KIF21A: variants seen among roughly 807,000 people sequenced by gnomAD.
KIF21A encodes kinesin-like protein KIF21A.
KIF21A carries 114 observed loss-of-function variants against 202.9 expected under a neutral mutation model. The ratio of observed to expected loss-of-function variants is 0.56; its 90% CI spans 0.48 to 0.66. The LOEUF is 0.66. Among genes scored for constraint, KIF21A ranks in the 30% least tolerant of loss-of-function variants. KIF21A has a pLI of 0.00. For missense variants in KIF21A, 1,677 were observed against 1,994.9 expected, an observed-to-expected ratio of 0.84 and a Z score of 3.04; for synonymous variants, 667 against 670.8, an observed-to-expected ratio of 0.99 and a Z score of 0.09.
intron 10 of KIF21A, 197 bp downstream of exon 10, chr12:39,356,635 G>A (rs757170293): frequency 4.4e-6 from 2 of 449,512 alleles, no homozygotes; most frequent in Non-Finnish European, 7.9e-6. Context: ...AATATGGGAA[G>A]AGAAAGGAGG....
intron 17 of KIF21A, among the ~76,000 whole-genome samples, chr12:39,336,298 GA>G (rs907241006): frequency 5.3e-5 from 8 of 152,090 alleles, no homozygotes; most frequent in African/African-American, 1.9e-4. Flanking sequence ...CAAAATTTTG[GA>G]AAGAAGAAGA....
intron 10 of KIF21A, among the ~76,000 whole-genome samples, chr12:39,354,981 A>T (rs1345129949): frequency 6.6e-6 from 1 of 152,224 alleles, no homozygotes; most frequent in Non-Finnish European, 1.5e-5. Flanking sequence ...ATTTCAATCC[A>T]GGTAATCCAA....
At chr12:39,334,139 T>G (rs970376441) in intron 17 of KIF21A, among the ~76,000 whole-genome samples, 1 of 139,324 alleles carries the variant, frequency 7.2e-6, no homozygotes, top group African/African-American at 2.7e-5. Flanking sequence ...AGGCAGAGGC[T>G]GCAGTGAGCC....
Position 39,332,411 on chromosome 12 carries a change from A to G in KIF21A, c.2857-3T>C. On this transcript the variant is annotated splice_polypyrimidine_tract_variant and splice_region_variant and intron_variant, in intron 20 of 37. Coordinates refer to ENST00000361418, the MANE Select transcript of KIF21A (RefSeq NM_001173464.2). ...CTTTTTGTGAGTTCCTCCCGTTGCTATTGAGAAAGCAGGTTGGATTTTAAG... is the reference window on the plus strand; with the variant it reads ...CTTTTTGTGAGTTCCTCCCGTTGCTGTTGAGAAAGCAGGTTGGATTTTAAG... The G allele has an allele frequency of 1.2e-6, 2 of 1,613,368 alleles. No individual in the cohort carries two copies. Among genetic ancestry groups the G allele is most frequent in the Non-Finnish European group, 1.7e-6 (2 of 1,179,564 alleles).
chr12:39,351,317 C>A (rs995147911), intron 11 of KIF21A, among the ~76,000 whole-genome samples: 1 of 151,898 alleles, frequency 6.6e-6, no homozygotes, highest in Non-Finnish European at 1.5e-5. Flanking sequence ...TTTAAGAGAC[C>A]AAATGACATT....
At chr12:39,297,703 T>C (rs575678644) in intron 37 of KIF21A, among the ~76,000 whole-genome samples, 277 of 151,392 alleles carry the variant, frequency 1.8e-3, no homozygotes, top group African/African-American at 6.3e-3. Flanking sequence ...AACCTGCACA[T>C]TGTGCACATG....
chr12:39,399,600 G>A (rs1952013507), intron 1 of KIF21A, among the ~76,000 whole-genome samples: 1 of 152,202 alleles, frequency 6.6e-6, no homozygotes, highest in Non-Finnish European at 1.5e-5. Context: ...GAGACACTCT[G>A]TATGCACGAG....
At chr12:39,307,438 A>T (rs540044034) in intron 34 of KIF21A, 127 bp downstream of exon 34, 5 of 801,106 alleles carry the variant, frequency 6.2e-6, no homozygotes, top group Middle Eastern at 6.2e-4. Flanking sequence ...TATGCTGAAT[A>T]AAAAAGCCTA....
chr12:39,307,521 G>A, intron 34 of KIF21A, 44 bp downstream of exon 34: 1 of 1,571,884 alleles, frequency 6.4e-7, no homozygotes, highest in East Asian at 2.2e-5. Flanking sequence ...GTCTGAAGTT[G>A]TATTTGCCAT....
chr12:39,393,367 A>C (rs1951509688), intron 1 of KIF21A, among the ~76,000 whole-genome samples: 1 of 152,188 alleles, frequency 6.6e-6, no homozygotes, highest in South Asian at 2.1e-4. Flanking sequence ...GGCAAATGCT[A>C]ACCAATAGAA....
chr12:39,426,941 G>A (rs574393614), intron 1 of KIF21A, among the ~76,000 whole-genome samples: 41 of 151,962 alleles, frequency 2.7e-4, no homozygotes, highest in Non-Finnish European at 4.9e-4. Context: ...GTCTGAGAAA[G>A]TAGCTAATGT....
chr12:39,318,088 G>T lies in KIF21A; in HGVS notation c.3893C>A (p.Ser1298Ter). The T allele has an allele frequency of 6.2e-7, 1 of 1,612,826 alleles. No homozygotes were observed. The highest frequency in any genetic ancestry group is 1.7e-5 in the Admixed American group (1 of 59,990). ...AATGACTTACTTATCCTGCTGAACT[G>T]ATGTGTTTCCCTGAGAAACAGTAAG... is the stretch of plus-strand genomic sequence containing the variant. ...NRLTVSQGNTSVQQDKSDESD... is the reference protein window; with the variant it reads ...NRLTVSQGNT Residue 1298 changes from serine (S) to a stop codon, truncating the protein, a stop_gained, in exon 29 of 38, where the codon TCA becomes TAA. Transcript: ENST00000361418. LOFTEE classifies it high-confidence loss of function.
intron 11 of KIF21A, 74 bp downstream of exon 11, chr12:39,351,703 C>T (rs1592283443): frequency 2.3e-6 from 2 of 884,886 alleles, no homozygotes; most frequent in South Asian, 1.5e-5. Context: ...ACTATGTATG[C>T]TCTTTATAAT....
chr12:39,297,013 A>G (rs1330229005), intron 37 of KIF21A, among the ~76,000 whole-genome samples: 1 of 152,212 alleles, frequency 6.6e-6, no homozygotes, highest in Non-Finnish European at 1.5e-5. Context: ...AAGTCTGGTG[A>G]AGAAGTAGAG....
At chr12:39,295,161 T>G (rs1942174435) in intron 37 of KIF21A, among the ~76,000 whole-genome samples, 1 of 152,172 alleles carries the variant, frequency 6.6e-6, no homozygotes. Context: ...TGTAGAAGAT[T>G]AAAAGCGATT....
chr12:39,380,210 C>T (rs998254742), intron 1 of KIF21A, among the ~76,000 whole-genome samples: 1 of 152,212 alleles, frequency 6.6e-6, no homozygotes, highest in Admixed American at 6.5e-5. Context: ...TCAGGCAATC[C>T]GCCTGCCTCA....
intron 1 of KIF21A, among the ~76,000 whole-genome samples, chr12:39,441,660 T>TAAAAAAACAAAAAAAAAA (rs1939605189): frequency 2.6e-5 from 1 of 37,788 alleles, no homozygotes; most frequent in Non-Finnish European, 5.6e-5. Context: ...CCCTGGGTGG[T>TAAAAAAACAAAAAAAAAA]AAAAAAAAAA....
Position 39,442,452 on chromosome 12 carries a change from G to C in KIF21A, c.44+475C>G, listed in dbSNP as rs1939776689. Among the ~76,000 whole-genome samples the C allele has an allele frequency of 6.6e-6, 1 of 152,076 alleles. No individual in the cohort carries two copies. The highest frequency in any genetic ancestry group is 1.5e-5 in the Non-Finnish European group (1 of 67,996). On this transcript the variant is annotated intron_variant, in intron 1 of 37. Coordinates refer to ENST00000361418, the MANE Select transcript of KIF21A (RefSeq NM_001173464.2). This position sits in a 1 kb window ranked among gnomAD's most constrained non-coding sequence, Gnocchi z 5.0. Reference sequence around the variant, plus strand: ...GGCCCTGCGGTCGCCGGCGCTGATAGTCAGATGCTTTGTCTCCTGCCTGGG... The same window carrying C: ...GGCCCTGCGGTCGCCGGCGCTGATACTCAGATGCTTTGTCTCCTGCCTGGG...
At chr12:39,370,363 T>C (rs1949870434) in intron 1 of KIF21A, 102 bp from the exon 2 acceptor site, 1 of 789,474 alleles carries the variant, frequency 1.3e-6, no homozygotes, top group Non-Finnish European at 2.1e-6. Context: ...TTTTTAAAAC[T>C]CATGTAATTA....
Sources: gnomAD v4.1 joint callset for allele counts (sites outside exome capture counted in the v4.1 genomes callset) on GRCh38, gnomAD v4.1.1 for gene constraint, Gnocchi (gnomAD v3.1) non-coding constraint, MANE v1.5 for transcripts, NCBI Gene and HGNC (gene_info 2026-07-23, HGNC 2026-07-21) for gene names.